Variants in ESRRG observed in about 807,000 individuals in gnomAD.
ESRRG encodes estrogen-related receptor gamma.
ESRRG carries 13 observed loss-of-function variants against 44.0 expected under a neutral mutation model. The ratio of observed to expected loss-of-function variants is 0.30; its 90% CI spans 0.19 to 0.47. The LOEUF is 0.47. Among genes scored for constraint, ESRRG ranks in the 20% least tolerant of loss-of-function variants. The pLI is 1.00. For synonymous variants in ESRRG, 215 were observed against 214.6 expected (o/e 1.00, Z -0.02); for missense variants, 395 against 580.6 (o/e 0.68, Z 3.29).
chr1:216,572,972 G>C (rs535922817), intron 3 of ESRRG, among the ~76,000 whole-genome samples: 1 of 151,860 alleles, frequency 6.6e-6, no homozygotes, highest in African/African-American at 2.4e-5. Context: ...AATGAAGAGA[G>C]GTCAGATAAA....
intron 1 of ESRRG, among the ~76,000 whole-genome samples, chr1:217,119,614 T>C (rs2092791918): frequency 1.3e-5 from 2 of 152,250 alleles, no homozygotes; most frequent in Admixed American, 1.3e-4. Context: ...TTTTCTAGCA[T>C]GATCTCTGTA....
intron 2 of ESRRG, among the ~76,000 whole-genome samples, chr1:216,813,315 T>C (rs1193761836): frequency 6.6e-6 from 1 of 152,148 alleles, no homozygotes; most frequent in East Asian, 1.9e-4. Context: ...AGAGTTTCCA[T>C]ATGGGAAATG....
chr1:216,556,676 ATCT>A (rs2057656178), intron 5 of ESRRG, among the ~76,000 whole-genome samples: 1 of 152,128 alleles, frequency 6.6e-6, no homozygotes. Flanking sequence ...CTCAAGTCAC[ATCT>A]TCTTCCCATG....
chr1:217,088,343 T>C (rs560069862), intron 1 of ESRRG, among the ~76,000 whole-genome samples: 1 of 151,362 alleles, frequency 6.6e-6, no homozygotes, highest in African/African-American at 2.4e-5. Context: ...TAGGAGGTCA[T>C]ATGGACCTAA....
intron 1 of ESRRG, among the ~76,000 whole-genome samples, chr1:217,087,045 T>C (rs988132634): frequency 3.3e-5 from 5 of 152,210 alleles, no homozygotes; most frequent in African/African-American, 7.2e-5. Flanking sequence ...GAAAATGTCA[T>C]AGGGCATCAG....
At chr1:216,756,045 A>G (rs751345592) in intron 2 of ESRRG, among the ~76,000 whole-genome samples, 1 of 151,966 alleles carries the variant, frequency 6.6e-6, no homozygotes, top group Non-Finnish European at 1.5e-5. Context: ...ATGCTGTTGT[A>G]CCCCAGATAA....
intron 2 of ESRRG, among the ~76,000 whole-genome samples, chr1:216,786,735 C>A (rs1046973525): frequency 1.3e-5 from 2 of 152,094 alleles, no homozygotes; most frequent in Non-Finnish European, 2.9e-5. Flanking sequence ...AGTCTGATTT[C>A]TTTACAGAGG....
intron 2 of ESRRG, among the ~76,000 whole-genome samples, chr1:216,933,519 C>T (rs1024331662): frequency 9.9e-5 from 15 of 152,042 alleles, no homozygotes; most frequent in Non-Finnish European, 1.9e-4. Flanking sequence ...ATTTGAGCTA[C>T]CAACATGACA....
At chr1:216,742,085 C>T (rs181471556) in intron 2 of ESRRG, among the ~76,000 whole-genome samples, 1 of 152,162 alleles carries the variant, frequency 6.6e-6, no homozygotes, top group African/African-American at 2.4e-5. Flanking sequence ...GACCCAAACC[C>T]TCTTTCCTGG....
chr1:216,882,596 A>G (rs2096462632), intron 2 of ESRRG, among the ~76,000 whole-genome samples: 1 of 152,220 alleles, frequency 6.6e-6, no homozygotes, highest in South Asian at 2.1e-4. Flanking sequence ...CAATATAAAC[A>G]TATATATTTG....
chr1:216,996,570 G>A (rs542822309), intron 1 of ESRRG, among the ~76,000 whole-genome samples: 37 of 152,258 alleles, frequency 2.4e-4, no homozygotes, highest in African/African-American at 8.9e-4. Flanking sequence ...AAATAAAGGT[G>A]AGAAAGAGTC....
chr1:216,582,774 C>A (rs2063039818), intron 3 of ESRRG, among the ~76,000 whole-genome samples: 1 of 152,150 alleles, frequency 6.6e-6, no homozygotes, highest in Non-Finnish European at 1.5e-5. Context: ...GGCCTGGACA[C>A]TTTTTCTCTA....
chr1:216,809,986 G>T (rs1304319123), intron 2 of ESRRG, among the ~76,000 whole-genome samples: 1 of 152,140 alleles, frequency 6.6e-6, no homozygotes, highest in Non-Finnish European at 1.5e-5. Context: ...TAAGCTCAGG[G>T]AATGAATGAG....
rs1230566961 is a variant in ESRRG at position 216,504,137 on chromosome 1, T to C, written c.*2802A>G. 6.6e-6 allele frequency: 1 copy of C among 152,550 alleles called. No individual in the cohort carries two copies. Among genetic ancestry groups the C allele is most frequent in the Non-Finnish European group, 1.5e-5 (1 of 67,980 alleles). The allele number at this position is 152,550 out of a possible 1,614,324, so 9.4% of individuals were successfully genotyped here. ...TCTCCATCTCAGGTTTTCAGTTGGTTGGCTCTTACTTCTGAAGCCCAAGTA... is the reference window on the plus strand; with the variant it reads ...TCTCCATCTCAGGTTTTCAGTTGGTCGGCTCTTACTTCTGAAGCCCAAGTA... On this transcript the variant is annotated 3_prime_UTR_variant, in exon 7 of 7. Transcript: ENST00000408911.
chr1:216,917,051 A>G (rs1160949939), intron 2 of ESRRG, among the ~76,000 whole-genome samples: 1 of 150,702 alleles, frequency 6.6e-6, no homozygotes, highest in African/African-American at 2.4e-5. Flanking sequence ...TCTGGGCTCA[A>G]TTGAACCTCT....
At chr1:217,078,604 T>C (rs111619680) in intron 1 of ESRRG, among the ~76,000 whole-genome samples, 3 of 152,322 alleles carry the variant, frequency 2.0e-5, no homozygotes, top group African/African-American at 7.2e-5. Context: ...ACACTGTTAC[T>C]GGCTGGATTC....
chr1:216,896,926 G>A (rs2058493698), intron 2 of ESRRG, among the ~76,000 whole-genome samples: 1 of 152,150 alleles, frequency 6.6e-6, no homozygotes, highest in South Asian at 2.1e-4. Flanking sequence ...GCTGTGCAGT[G>A]AACATTACAC....
Position 217,133,138 on chromosome 1 carries a change from G to A in ESRRG, c.-230+4529C>T, listed in dbSNP as rs575732197. Among the ~76,000 whole-genome samples, 6 of 152,342 alleles carry A rather than the reference G, an allele frequency of 3.9e-5. No individual in the cohort carries two copies. In the East Asian group the frequency reaches 1.2e-3, roughly 29 times the overall value. ...GAAAGAAGCCTGCTGTTGGGAGAGCGAACTAGAAAGCTATGGCCAGCATTG... is the reference window on the plus strand; with the variant it reads ...GAAAGAAGCCTGCTGTTGGGAGAGCAAACTAGAAAGCTATGGCCAGCATTG... On this transcript the variant is annotated intron_variant, in intron 1 of 8. Transcript: ENST00000366940.
chr1:216,713,995 A>AC (rs1169490086), intron 1 of ESRRG, among the ~76,000 whole-genome samples: 2 of 152,076 alleles, frequency 1.3e-5, no homozygotes, highest in African/African-American at 2.4e-5. Context: ...TATCTGATAA[A>AC]CCCCCAACTA....
Sources: gnomAD v4.1 joint callset for allele counts (sites outside exome capture counted in the v4.1 genomes callset) on GRCh38, gnomAD v4.1.1 for gene constraint, MANE v1.5 for transcripts, NCBI Gene and HGNC (gene_info 2026-07-23, HGNC 2026-07-21) for gene names.